Variants in EIF3A observed in about 807,000 individuals in gnomAD.
EIF3A encodes EIF3, p180 subunit.
EIF3A carries 21 observed loss-of-function variants against 186.6 expected under a neutral mutation model. The ratio of observed to expected loss-of-function variants is 0.11; its 90% CI spans 0.08 to 0.16. The LOEUF is 0.16. EIF3A is among the 10% of genes least tolerant of loss of function. EIF3A has a pLI of 1.00. For missense variants in EIF3A, 1,306 were observed against 1,796.3 expected (o/e 0.73, Z 4.93); for synonymous variants, 563 against 584.3 (o/e 0.96, Z 0.52).
intron 7 of EIF3A, among the ~76,000 whole-genome samples, chr10:119,063,429 T>A (rs1009844487): frequency 5.3e-5 from 8 of 152,250 alleles, no homozygotes; most frequent in Admixed American, 2.6e-4. Context: ...AGGCCTTTTA[T>A]CTAGCTTTTA....
chr10:119,073,338 T>A (rs1844108877), intron 3 of EIF3A, 103 bp downstream of exon 3: 6 of 938,210 alleles, frequency 6.4e-6, no homozygotes, highest in Non-Finnish European at 9.6e-6. Flanking sequence ...AAGATTTGCA[T>A]TTTTTTCTGA....
chr10:119,050,631 T>C lies in EIF3A; in HGVS notation c.2363A>G (p.His788Arg). The change falls in exon 16 of 22, where the codon CAT (histidine) becomes CGT (arginine). Residue 788 changes from histidine (H) to arginine (R), a missense_variant. By Grantham distance (29) the His-to-Arg change is conservative. Around this residue, in one of 8 missense-constraint regions of EIF3A, gnomAD observed 410 missense variants for 473.5 expected, o/e 0.87. Coordinates refer to ENST00000369144, the MANE Select transcript of EIF3A (RefSeq NM_003750.4). ...QFEERLAEER[H>R]NRLEERKRQR... Reference sequence around the variant, plus strand: ...CCTTTTCCGTTCTTCCAATCGATTATGCCTTTCTTCTGCTAATCGCTCTTC... The same window carrying C: ...CCTTTTCCGTTCTTCCAATCGATTACGCCTTTCTTCTGCTAATCGCTCTTC... 1 of 1,614,130 alleles carries C rather than the reference T, an allele frequency of 6.2e-7. No individual in the cohort carries two copies. The highest frequency in any genetic ancestry group is 1.7e-5 in the Admixed American group (1 of 60,026).
At chr10:119,055,700 T>C (rs1267317352) in intron 14 of EIF3A, among the ~76,000 whole-genome samples, 1 of 151,882 alleles carries the variant, frequency 6.6e-6, no homozygotes, top group African/African-American at 2.4e-5. Flanking sequence ...AAAAGCACAA[T>C]AAAGTGAAGC....
rs1554870363 is a variant in EIF3A at position 119,052,399 on chromosome 10, T to TG, written c.2197-1079_2197-1078insC. Among the ~76,000 whole-genome samples the TG allele has an allele frequency of 6.6e-4, 99 of 148,962 alleles. 1 individual carries two copies. The highest frequency in any genetic ancestry group is 1.6e-3 in the African/African-American group (63 of 40,518). ...GTGTGTGTGTGTGTGTGTGTGTGTG[T>TG]TTTAAGACAGGGTCTGTCTCTGTCA... On this transcript the variant is annotated intron_variant, in intron 14 of 21. Coordinates refer to ENST00000369144, the MANE Select transcript of EIF3A (RefSeq NM_003750.4).
At position 119,042,094 on chromosome 10, in the gene EIF3A, G is replaced by C; in HGVS notation, c.3426C>G (p.Asn1142Lys). Reference protein sequence around the residue: ...GAEDDRGPWRNMDDDRLSRRA... With the variant: ...GAEDDRGPWRKMDDDRLSRRA... Reference sequence around the variant, plus strand: ...GTCTTGAAAGGCGATCATCATCCATGTTTCTCCAAGGGCCCCTGTCATCCT... The same window carrying C: ...GTCTTGAAAGGCGATCATCATCCATCTTTCTCCAAGGGCCCCTGTCATCCT... Residue 1142 changes from asparagine to lysine, a missense_variant, in exon 19 of 22, where the codon AAC (asparagine) becomes AAG (lysine). Coordinates refer to ENST00000369144, the MANE Select transcript of EIF3A (RefSeq NM_003750.4). The surrounding 1 kb of genome is among the most constrained non-coding windows in gnomAD (Gnocchi z 7.8). The C allele has an allele frequency of 6.2e-7, 1 of 1,614,148 alleles. No homozygotes were observed. The highest frequency in any genetic ancestry group is 8.5e-7 in the Non-Finnish European group (1 of 1,180,036).
intron 19 of EIF3A, among the ~76,000 whole-genome samples, chr10:119,041,286 G>A (rs1361647073): frequency 2.6e-5 from 4 of 152,176 alleles, no homozygotes; most frequent in African/African-American, 4.8e-5. Context: ...AAAAAAATGA[G>A]GCTGGGCGCA....
At position 119,059,284 on chromosome 10, in the gene EIF3A, T is replaced by C. The variant is rs1382524267; in HGVS notation, c.1557A>G (p.Ile519Met). ...PHLQSMPSEQ[I>M]RNQLTAMSSV... The stretch of plus-strand genomic sequence containing the variant: ...AGGACATGGCTGTCAGCTGGTTTCT[T>C]ATCTGCTCTGAAGGCATGCTTTGCA... The change falls in exon 11 of 22, where the codon ATA (isoleucine) becomes ATG (methionine). Residue 519 changes from isoleucine to methionine, a missense_variant. Around this residue, in one of 8 missense-constraint regions of EIF3A, gnomAD observed 3 missense variants for 16.7 expected, o/e 0.18. Transcript: ENST00000369144. 1.2e-6 allele frequency: 2 copies of C among 1,614,188 alleles called. No homozygotes were observed. Among genetic ancestry groups the C allele is most frequent in the East Asian group, 2.2e-5 (1 of 44,878 alleles).
Position 119,051,082 on chromosome 10 carries a change from G to A in EIF3A, c.2319+117C>T. ...TATCATCCAAAAATTTCTATTATTT[G>A]AATGACCGTTACACATAGTAACTCA... On this transcript the variant is annotated intron_variant, in intron 15 of 21. Transcript: ENST00000369144. 6 of 860,264 alleles carry A rather than the reference G, an allele frequency of 7.0e-6. No homozygotes were observed. The South Asian group carries it at 1.5e-4, about 21-fold the overall frequency. 53.3% of individuals were successfully genotyped at this position (860,264 alleles called of 1,614,324 possible).
intron 1 of EIF3A, among the ~76,000 whole-genome samples, chr10:119,074,588 T>A (rs1339365363): frequency 6.6e-6 from 1 of 151,822 alleles, no homozygotes; most frequent in African/African-American, 2.4e-5. Flanking sequence ...TTTGCAACAC[T>A]CTGGAAATCT....
At position 119,069,396 on chromosome 10, in the gene EIF3A, G is replaced by A. The variant is rs761107961; in HGVS notation, c.950+50C>T. 3 of 919,114 alleles carry A rather than the reference G, an allele frequency of 3.3e-6. 1 individual carries two copies. The highest frequency in any genetic ancestry group is 5.3e-4 in the Middle Eastern group (2 of 3,788). The allele number at this position is 919,114 out of a possible 1,614,324, so 56.9% of individuals were successfully genotyped here. A position where few individuals can be genotyped will look rare whatever the true frequency, so the allele number is the denominator to read the frequency against. On this transcript the variant is annotated intron_variant, in intron 6 of 21. Transcript: ENST00000369144. Reference sequence around the variant, plus strand: ...CTAAAATATACCATGTCATATAATAGACGATATTTGTTACAGAATTTCAAC... The same window carrying A: ...CTAAAATATACCATGTCATATAATAAACGATATTTGTTACAGAATTTCAAC...
chr10:119,077,372 G>C (rs1406045898), intron 1 of EIF3A, among the ~76,000 whole-genome samples: 1 of 151,332 alleles, frequency 6.6e-6, no homozygotes, highest in Non-Finnish European at 1.5e-5. Flanking sequence ...AATCGCTTGA[G>C]CCTGGGAGGC....
At chr10:119,071,928 G>A (rs1844077916) in intron 4 of EIF3A, among the ~76,000 whole-genome samples, 1 of 146,988 alleles carries the variant, frequency 6.8e-6, no homozygotes, top group Non-Finnish European at 1.5e-5. Context: ...GGAAGACTGA[G>A]GGAGAAGAAT....
chr10:119,049,198 G>A (rs117151615), intron 17 of EIF3A, among the ~76,000 whole-genome samples: 1,803 of 152,252 alleles, frequency 0.012, 17 homozygotes, highest in Non-Finnish European at 0.019. Context: ...GGTGGCTCGC[G>A]CCTGTAATCC....
intron 19 of EIF3A, among the ~76,000 whole-genome samples, chr10:119,040,304 G>A (rs938234244): frequency 2.6e-5 from 4 of 152,142 alleles, no homozygotes; most frequent in Admixed American, 2.6e-4. Context: ...TGGATTTCAG[G>A]AACATCAAAA....
chr10:119,057,188 C>T (rs1589690580), intron 12 of EIF3A, 148 bp from the exon 13 acceptor site: 2 of 596,512 alleles, frequency 3.4e-6, no homozygotes, highest in East Asian at 2.8e-5. Context: ...TATACAATAG[C>T]CTTATTTCCA....
chr10:119,065,502 C>T lies in EIF3A; in HGVS notation c.1019G>A (p.Arg340Gln), dbSNP rs542911129. 4 of 1,613,084 alleles carry T rather than the reference C, an allele frequency of 2.5e-6. No homozygotes were observed. Among genetic ancestry groups the T allele is most frequent in the Admixed American group, 1.7e-5 (1 of 60,004 alleles). Reference protein sequence around the residue: ...PITPERTDIARLLDMDGIIVE... With the variant: ...PITPERTDIAQLLDMDGIIVE... ...TATAATGCCATCCATATCCAGAAGT[C>T]GAGCAATATCCGTACGCTCAGGAGT... is the stretch of plus-strand genomic sequence containing the variant. Residue 340 changes from arginine to glutamine, a missense_variant, in exon 7 of 22, where the codon CGA becomes CAA. Arg to Gln is a conservative substitution (Grantham distance 43). Coordinates refer to ENST00000369144, the MANE Select transcript of EIF3A (RefSeq NM_003750.4).
At chr10:119,072,865 C>T (rs1844101215) in intron 4 of EIF3A, 25 bp downstream of exon 4, 1 of 1,588,166 alleles carries the variant, frequency 6.3e-7, no homozygotes, top group Non-Finnish European at 8.5e-7. Context: ...AAGCACTTCA[C>T]TCAGATTTGA....
At chr10:119,064,341 G>C (rs186709118) in intron 7 of EIF3A, among the ~76,000 whole-genome samples, 1 of 152,210 alleles carries the variant, frequency 6.6e-6, no homozygotes, top group African/African-American at 2.4e-5. Context: ...ATGTGGTTTG[G>C]ATCTGTGTAC....
Position 119,060,827 on chromosome 10 carries a change from C to T in EIF3A, c.1245G>A (p.Arg415=). The T allele has an allele frequency of 6.2e-7, 1 of 1,609,514 alleles. No individual in the cohort carries two copies. Among genetic ancestry groups the T allele is most frequent in the South Asian group, 1.1e-5 (1 of 90,166 alleles). ...ERVTKVLNWV[R]EQPEKEPELQ... ...ATTCCGGTTCCTTTTCAGGTTGTTC[C>T]CTAACCCAATTTAGAACCTATAAAA... Residue 415 remains arginine (R), a synonymous_variant, in exon 9 of 22, where the codon AGG becomes AGA. Coordinates refer to ENST00000369144, the MANE Select transcript of EIF3A (RefSeq NM_003750.4).
Sources: allele counts gnomAD v4.1 joint callset (sites outside exome capture counted in the v4.1 genomes callset), GRCh38; gene constraint gnomAD v4.1.1; regional missense constraint gnomAD v4.1.1; non-coding constraint Gnocchi (gnomAD v3.1); transcripts MANE v1.5; gene names NCBI Gene and HGNC (gene_info 2026-07-23, HGNC 2026-07-21).